The following STK31 variants were observed in gnomAD, a reference collection of about 807,000 sequenced individuals.
STK31 encodes the protein serine/threonine-protein kinase 31.
A neutral mutation model predicts 129.7 loss-of-function variants in STK31; 89 were observed. The ratio of observed to expected loss-of-function variants is 0.69; its 90% CI spans 0.58 to 0.82. The LOEUF (loss-of-function observed/expected upper bound fraction) is 0.82, where lower values mean the gene tolerates loss of function less well. Ranked by LOEUF, STK31 falls within the 40% of genes least tolerant of loss-of-function variation. STK31 has a pLI of 0.00. For synonymous variants in STK31, 448 were observed against 395.3 expected (o/e 1.13, Z -1.58); for missense variants, 1,187 against 1,176.4 (o/e 1.01, Z -0.13).
Position 23,783,615 on chromosome 7 carries a change from C to T in STK31, c.2100C>T (p.Phe700=), listed in dbSNP as rs1021620554. 10 of 1,611,350 alleles carry T rather than the reference C, an allele frequency of 6.2e-6. No homozygotes were observed. The highest frequency in any genetic ancestry group is 1.6e-4 in the Middle Eastern group (1 of 6,080). Residue 700 remains phenylalanine, a synonymous_variant, in exon 17 of 24, where the codon TTC becomes TTT. Coordinates refer to ENST00000355870, the MANE Select transcript of STK31 (RefSeq NM_031414.5). ...EMLTSLAQKW[F]PELPLLHPEI... Reference sequence around the variant, plus strand: ...TAACTAGTTTGGCACAGAAATGGTTCCCTGAGCTGCCTCTGCTTCATCCTG... The same window carrying T: ...TAACTAGTTTGGCACAGAAATGGTTTCCTGAGCTGCCTCTGCTTCATCCTG...
At chr7:23,751,387 T>TA (rs1475699413) in intron 8 of STK31, among the ~76,000 whole-genome samples, 1 of 152,206 alleles carries the variant, frequency 6.6e-6, no homozygotes, top group Non-Finnish European at 1.5e-5. Context: ...TATATTTTGT[T>TA]ACTGATTTCT....
At chr7:23,805,257 G>A (rs1040568135) in intron 22 of STK31, among the ~76,000 whole-genome samples, 2 of 151,948 alleles carry the variant, frequency 1.3e-5, no homozygotes, top group East Asian at 3.9e-4. Context: ...TTGTGTTTTA[G>A]TAGAGATGGG....
chr7:23,729,026 T>C, intron 5 of STK31, 65 bp from the exon 6 acceptor site: 1 of 1,426,202 alleles, frequency 7.0e-7, no homozygotes, highest in Admixed American at 2.6e-5. Context: ...AGCAGCAAAT[T>C]GGTGGTTTCT....
At chr7:23,820,064 T>G (rs575078660) in intron 23 of STK31, among the ~76,000 whole-genome samples, 33 of 152,270 alleles carry the variant, frequency 2.2e-4, no homozygotes, top group Non-Finnish European at 4.3e-4. Flanking sequence ...GTAATAAAAT[T>G]TATTTGTTCG....
chr7:23,762,913 A>G lies in STK31; in HGVS notation c.1406A>G (p.Lys469Arg). ...GAGTCATCTCTTAATAAACGCTTAA[A>G]AACATTGCAGGTTGGAATTAAAAAT... The part of the protein sequence containing the change: ...VDESSLNKRL[K>R]TLQDLSVSLE... The change falls in exon 11 of 24, where the codon AAA (lysine) becomes AGA (arginine). Residue 469 changes from lysine to arginine, a missense_variant. By Grantham distance (26) the Lys-to-Arg change is conservative. This residue lies in a region of STK31 where 975 missense variants were observed against 934.9 expected (regional missense o/e 1.04). Coordinates refer to ENST00000355870, the MANE Select transcript of STK31 (RefSeq NM_031414.5). The G allele has an allele frequency of 6.3e-7, 1 of 1,575,724 alleles. No homozygotes were observed.
chr7:23,712,671 T>C (rs1169993938), intron 3 of STK31, among the ~76,000 whole-genome samples: 2 of 152,170 alleles, frequency 1.3e-5, no homozygotes, highest in African/African-American at 4.8e-5. Flanking sequence ...ATCTCGGTCG[T>C]TTTTTCTAAT....
At chr7:23,819,971 C>T (rs1352021941) in intron 23 of STK31, among the ~76,000 whole-genome samples, 3 of 152,134 alleles carry the variant, frequency 2.0e-5, no homozygotes, top group Non-Finnish European at 4.4e-5. Context: ...AAGAAATTTA[C>T]CCTTCCAGAC....
At chr7:23,759,672 C>G (rs756860831) in intron 10 of STK31, among the ~76,000 whole-genome samples, 1 of 152,202 alleles carries the variant, frequency 6.6e-6, no homozygotes, top group Non-Finnish European at 1.5e-5. Context: ...TTGGTTAACT[C>G]CCTCTCTTTG....
intron 23 of STK31, among the ~76,000 whole-genome samples, chr7:23,825,674 C>G (rs1331577494): frequency 6.6e-6 from 1 of 152,148 alleles, no homozygotes; most frequent in African/African-American, 2.4e-5. Context: ...TCCTCTAGTT[C>G]TTTTAATTGT....
chr7:23,743,600 A>G (rs1195848489), intron 8 of STK31, among the ~76,000 whole-genome samples: 1 of 152,154 alleles, frequency 6.6e-6, no homozygotes, highest in East Asian at 1.9e-4. Context: ...TGACTGTAAT[A>G]TGCTGTGGAG....
intron 15 of STK31, among the ~76,000 whole-genome samples, chr7:23,774,738 C>G (rs889414252): frequency 6.6e-6 from 1 of 152,172 alleles, no homozygotes; most frequent in African/African-American, 2.4e-5. Context: ...CCTGTTCACT[C>G]TGATAGTAGT....
At chr7:23,730,511 A>C (rs949012528) in intron 6 of STK31, among the ~76,000 whole-genome samples, 1 of 152,014 alleles carries the variant, frequency 6.6e-6, no homozygotes, top group African/African-American at 2.4e-5. Flanking sequence ...AAGGTTGGGG[A>C]GGCTTGTTTT....
chr7:23,796,355 G>GTT (rs34355493), intron 22 of STK31, among the ~76,000 whole-genome samples: 17,472 of 149,030 alleles, frequency 0.12, 1,239 homozygotes, highest in Non-Finnish European at 0.16. Flanking sequence ...AACATATCAA[G>GTT]TTTTTTTTTT....
intron 13 of STK31, among the ~76,000 whole-genome samples, chr7:23,770,448 A>T (rs1281742190): frequency 1.3e-5 from 2 of 152,134 alleles, no homozygotes; most frequent in African/African-American, 4.8e-5. Context: ...ACTTGATTTT[A>T]GTAGTAGTTG....
At chr7:23,807,231 G>T (rs536161532) in intron 22 of STK31, among the ~76,000 whole-genome samples, 118 of 151,984 alleles carry the variant, frequency 7.8e-4, no homozygotes, top group African/African-American at 2.5e-3. Context: ...TTCTTTCAAG[G>T]TAAGTCTACT....
At chr7:23,773,357 G>T (rs182751275) in intron 15 of STK31, among the ~76,000 whole-genome samples, 1 of 152,164 alleles carries the variant, frequency 6.6e-6, no homozygotes, top group Non-Finnish European at 1.5e-5. Context: ...CCTTGTCCCT[G>T]CAAAGAACAC....
chr7:23,713,230 AT>A lies in STK31; in HGVS notation c.150+946del, dbSNP rs751074493. ...GTTACTGTACTGAATGCTGCAGACA[AT>A]TGTAACACAATATTAAGTCTTTATG... On this transcript the variant is annotated intron_variant, in intron 3 of 23. Coordinates refer to ENST00000355870, the MANE Select transcript of STK31 (RefSeq NM_031414.5). 1.6e-4 allele frequency among the ~76,000 whole-genome samples: 24 copies of A among 152,326 alleles called. No individual in the cohort carries two copies. The East Asian group carries it at 3.1e-3, about 20-fold the overall frequency.
chr7:23,815,308 T>A, intron 23 of STK31, 96 bp downstream of exon 23: 1 of 880,354 alleles, frequency 1.1e-6, no homozygotes, highest in Non-Finnish European at 1.7e-6. Flanking sequence ...TTTCTAAGAA[T>A]CCAAATTAAC....
At chr7:23,815,698 T>G (rs148714655) in intron 23 of STK31, among the ~76,000 whole-genome samples, 45 of 152,232 alleles carry the variant, frequency 3.0e-4, no homozygotes, top group African/African-American at 9.6e-4. Context: ...GTTGAGTAAT[T>G]AGCAAGTACT....
Sources: gnomAD v4.1 joint callset for allele counts (sites outside exome capture counted in the v4.1 genomes callset) on GRCh38, gnomAD v4.1.1 for gene constraint, gnomAD v4.1.1 regional missense constraint, MANE v1.5 for transcripts, NCBI Gene and HGNC (gene_info 2026-07-23, HGNC 2026-07-21) for gene names.